Variants in RIF1 observed in about 807,000 individuals in gnomAD.
The protein encoded by RIF1 is replication timing regulatory factor 1.
A neutral mutation model predicts 247.1 loss-of-function variants in RIF1; 45 were observed. That is an observed-to-expected ratio of 0.18 (90% CI 0.14 to 0.23). RIF1 has a LOEUF of 0.23. Ranked by LOEUF, RIF1 falls within the 10% of genes least tolerant of loss-of-function variation. The probability of loss-of-function intolerance (pLI) is 1.00; values close to 1 mark genes in which losing one functional copy is unlikely to be tolerated. For synonymous variants in RIF1, 1,087 were observed against 978.8 expected (o/e 1.11, Z -2.06); for missense variants, 2,967 against 2,862.5 (o/e 1.04, Z -0.83).
chr2:151,464,894 C>G lies in RIF1; in HGVS notation c.5374C>G (p.His1792Asp). Residue 1792 changes from histidine to aspartate, a missense_variant, in exon 30 of 36, where the codon CAT (histidine) becomes GAT (aspartate). His to Asp is a moderately conservative substitution (Grantham distance 81). Transcript: ENST00000444746. ...TGAAGGACAATTTTTAGATGAACAT[C>G]ATAGTGTGAATTTTCATTTGGGTCT... ...YSEGQFLDEH[H>D]SVNFHLGLKE... 1.3e-6 allele frequency: 2 copies of G among 1,584,418 alleles called. No homozygotes were observed. The highest frequency in any genetic ancestry group is 1.7e-6 in the Non-Finnish European group (2 of 1,170,804).
At chr2:151,500,719 T>C (rs1219439539) in intron 11 of RIF1, among the ~76,000 whole-genome samples, 1 of 147,696 alleles carries the variant, frequency 6.8e-6, no homozygotes, top group Non-Finnish European at 1.5e-5. Context: ...CACCTCAGCC[T>C]CCCAAGTAGC....
At chr2:151,515,177 G>A in the RIF1 span, among the ~76,000 whole-genome samples, 1 of 152,168 alleles carries the variant, frequency 6.6e-6, no homozygotes, top group Non-Finnish European at 1.5e-5. Flanking sequence ...TGTTGTGACT[G>A]GGGCAGGCCC....
intron 8 of RIF1, among the ~76,000 whole-genome samples, chr2:151,428,323 TA>T (rs1435582311): frequency 6.6e-6 from 1 of 152,238 alleles, no homozygotes; most frequent in Non-Finnish European, 1.5e-5. Flanking sequence ...ATATTTCTTT[TA>T]CAGCCATGAA....
chr2:151,522,300 G>C, the RIF1 span, among the ~76,000 whole-genome samples: 1 of 152,104 alleles, frequency 6.6e-6, no homozygotes, highest in Non-Finnish European at 1.5e-5. Flanking sequence ...TTATACTGTT[G>C]ATTCATAGAA....
intron 8 of RIF1, among the ~76,000 whole-genome samples, chr2:151,424,055 T>C (rs1688600077): frequency 6.6e-6 from 1 of 152,230 alleles, no homozygotes; most frequent in Non-Finnish European, 1.5e-5. Flanking sequence ...AAAGTGAAAT[T>C]ATAACATATA....
At chr2:151,423,127 C>T (rs1688450021) in intron 8 of RIF1, 85 bp downstream of exon 8, 1 of 746,104 alleles carries the variant, frequency 1.3e-6, no homozygotes, top group Non-Finnish European at 2.3e-6. Flanking sequence ...AGTTGATGCT[C>T]ATTATTTCCT....
chr2:151,434,966 A>G (rs888667548), intron 10 of RIF1, among the ~76,000 whole-genome samples: 2 of 152,174 alleles, frequency 1.3e-5, no homozygotes, highest in Non-Finnish European at 2.9e-5. Context: ...TTTTTTAATT[A>G]TTGAGTTTTA....
intron 11 of RIF1, 90 bp from the exon 12 acceptor site, chr2:151,436,736 TA>T: frequency 1.1e-6 from 1 of 946,902 alleles, no homozygotes; most frequent in South Asian, 2.0e-5. Context: ...ACTCTGTTTT[TA>T]AAAGTTTCAT....
intron 20 of RIF1, among the ~76,000 whole-genome samples, chr2:151,450,439 T>C (rs1574060378): frequency 6.6e-6 from 1 of 152,190 alleles, no homozygotes; most frequent in South Asian, 2.1e-4. Flanking sequence ...CATATTGTTA[T>C]ACATTAGAGA....
At chr2:151,524,609 T>C in the RIF1 span, 1 of 1,609,640 alleles carries the variant, frequency 6.2e-7, no homozygotes, top group Non-Finnish European at 8.5e-7. Flanking sequence ...ATCTTTTCTG[T>C]AAGCGACCTT....
At chr2:151,443,474 A>G in intron 17 of RIF1, 55 bp from the exon 18 acceptor site, 1 of 1,437,900 alleles carries the variant, frequency 7.0e-7, no homozygotes, top group Non-Finnish European at 9.2e-7. Context: ...TGTTAACATT[A>G]AATTAATATA....
chr2:151,445,544 TTTTC>T, intron 19 of RIF1, 99 bp downstream of exon 19: 1 of 740,474 alleles, frequency 1.4e-6, no homozygotes, highest in Non-Finnish European at 2.3e-6. Context: ...TTGTTTTTCT[TTTTC>T]TTTTTCTCTT....
At chr2:151,459,664 A>G (rs1695828428) in intron 25 of RIF1, among the ~76,000 whole-genome samples, 2 of 152,188 alleles carry the variant, frequency 1.3e-5, no homozygotes, top group African/African-American at 2.4e-5. Context: ...TTAAAGTTCT[A>G]TGGCTTTGAA....
intron 3 of RIF1, among the ~76,000 whole-genome samples, chr2:151,413,264 C>T (rs939087911): frequency 2.0e-5 from 3 of 152,050 alleles, no homozygotes; most frequent in Non-Finnish European, 2.9e-5. Flanking sequence ...AACTGCCGAC[C>T]TCAGGTGATC....
intron 20 of RIF1, 127 bp downstream of exon 20, chr2:151,446,702 C>A: frequency 2.1e-6 from 2 of 934,096 alleles, no homozygotes; most frequent in Non-Finnish European, 3.3e-6. Context: ...GTTGATACTG[C>A]AAACAAGTAT....
intron 9 of RIF1, among the ~76,000 whole-genome samples, chr2:151,432,008 T>G (rs756041411): frequency 2.6e-5 from 4 of 152,060 alleles, no homozygotes; most frequent in African/African-American, 9.7e-5. Context: ...TTTCAAGTTA[T>G]TTATTTATTT....
chr2:151,512,859 T>C (rs753983177), downstream of RIF1: 8 of 1,531,512 alleles, frequency 5.2e-6, no homozygotes, highest in Non-Finnish European at 7.2e-6. Flanking sequence ...CACCGAATAG[T>C]TGGGTAAATG....
intron 10 of RIF1, chr2:151,497,529 T>C (rs1339752418): frequency 6.7e-7 from 1 of 1,502,332 alleles, no homozygotes; most frequent in African/African-American, 1.4e-5. Context: ...AAAATTTAAG[T>C]TGTCTTTAAA....
At chr2:151,517,212 CAT>C in the RIF1 span, among the ~76,000 whole-genome samples, 8 of 152,194 alleles carry the variant, frequency 5.3e-5, no homozygotes, top group African/African-American at 1.4e-4. Context: ...ATCCTCATAA[CAT>C]GTGGTTAAGA....
Sources: allele counts gnomAD v4.1 joint callset (sites outside exome capture counted in the v4.1 genomes callset), GRCh38; gene constraint gnomAD v4.1.1; transcripts MANE v1.5; gene names NCBI Gene and HGNC (gene_info 2026-07-23, HGNC 2026-07-21).